The following UBE2L6 variants were observed in gnomAD, a reference collection of about 807,000 sequenced individuals.
UBE2L6 encodes ubiquitin/ISG15-conjugating enzyme E2 L6.
In UBE2L6, 11 loss-of-function variants were observed where a neutral mutation model predicts 13.6. The observed-to-expected ratio is 0.81, with a 90% CI of 0.51 to 1.34. UBE2L6 has a LOEUF of 1.34. Among genes scored for constraint, UBE2L6 ranks in the 40% most tolerant of loss-of-function variants. The probability of loss-of-function intolerance (pLI) is 0.00; values close to 1 mark genes in which losing one functional copy is unlikely to be tolerated. For missense variants in UBE2L6, 197 were observed against 199.5 expected, an observed-to-expected ratio of 0.99 and a Z score of 0.07; for synonymous variants, 74 against 83.2, an observed-to-expected ratio of 0.89 and a Z score of 0.60.
At position 57,560,336 on chromosome 11, in the gene UBE2L6, C is replaced by G. The variant is rs772329297; in HGVS notation, c.123+1G>C. On this transcript the variant is annotated splice_donor_variant, in intron 2 of 3. Transcript: ENST00000287156. LOFTEE classifies it high-confidence loss of function. ...AAGCCATGGTCCCCATGGATACTCACGGGTAGGAGGAGAGCGTGCCACACC... is the reference window on the plus strand; with the variant it reads ...AAGCCATGGTCCCCATGGATACTCAGGGGTAGGAGGAGAGCGTGCCACACC... 77 of 1,613,088 alleles carry G rather than the reference C, an allele frequency of 4.8e-5. No individual in the cohort carries two copies. Among genetic ancestry groups the G allele is most frequent in the Non-Finnish European group, 6.3e-5 (74 of 1,179,210 alleles).
chr11:57,555,413 T>C (rs903478568), intron 2 of UBE2L6, among the ~76,000 whole-genome samples: 1 of 152,218 alleles, frequency 6.6e-6, no homozygotes, highest in Admixed American at 6.5e-5. Context: ...ATACCACTTA[T>C]GTGCAGTACC....
At chr11:57,560,275 C>G (rs1184781859) in intron 2 of UBE2L6, 62 bp downstream of exon 2, 1 of 1,382,100 alleles carries the variant, frequency 7.2e-7, no homozygotes, top group African/African-American at 1.4e-5. Context: ...CTAACCCTCC[C>G]TGCCCATGTC....
At chr11:57,565,787 C>T (rs1945086468) in intron 1 of UBE2L6, among the ~76,000 whole-genome samples, 1 of 152,100 alleles carries the variant, frequency 6.6e-6, no homozygotes, top group Non-Finnish European at 1.5e-5. Context: ...TAAAAACATA[C>T]AATGGATACA....
chr11:57,555,664 A>G (rs1451625221), intron 2 of UBE2L6, among the ~76,000 whole-genome samples: 1 of 152,070 alleles, frequency 6.6e-6, no homozygotes, highest in Non-Finnish European at 1.5e-5. Context: ...GTAATCTCAA[A>G]CTTCTGGGCT....
At chr11:57,567,112 C>T (rs1945099001) in intron 1 of UBE2L6, 1 of 457,700 alleles carries the variant, frequency 2.2e-6, no homozygotes, top group Non-Finnish European at 4.4e-6. Flanking sequence ...ATCAGCATTC[C>T]GTGTTTCTCA....
chr11:57,552,524 G>A lies in UBE2L6; in HGVS notation c.311-15C>T, dbSNP rs1358538442. 2 of 1,613,998 alleles carry A rather than the reference G, an allele frequency of 1.2e-6. No individual in the cohort carries two copies. The highest frequency in any genetic ancestry group is 1.7e-5 in the Admixed American group (1 of 60,014). ...GGCCTCCAGGACTGGGGAGAGACAGGCCAGATCAGGATATCAGGGCAGAGG... is the reference window on the plus strand; with the variant it reads ...GGCCTCCAGGACTGGGGAGAGACAGACCAGATCAGGATATCAGGGCAGAGG... On this transcript the variant is annotated splice_polypyrimidine_tract_variant and intron_variant, in intron 3 of 3. Transcript: ENST00000287156.
chr11:57,560,518 A>C, intron 1 of UBE2L6, 86 bp from the exon 2 acceptor site: 2 of 1,024,486 alleles, frequency 2.0e-6, no homozygotes, highest in South Asian at 2.6e-5. Flanking sequence ...AGCTGCCCCA[A>C]GTTCAAAACT....
chr11:57,564,128 C>G (rs1359146335), intron 1 of UBE2L6, among the ~76,000 whole-genome samples: 2 of 152,092 alleles, frequency 1.3e-5, no homozygotes, highest in African/African-American at 4.8e-5. Flanking sequence ...AGACTTAACC[C>G]AAAGAAGACT....
At chr11:57,565,963 C>A (rs556881711) in intron 1 of UBE2L6, among the ~76,000 whole-genome samples, 11 of 150,786 alleles carry the variant, frequency 7.3e-5, no homozygotes, top group East Asian at 2.0e-4. Flanking sequence ...CCCATGCCCC[C>A]CTCCTATCCC....
intron 1 of UBE2L6, chr11:57,567,357 C>T (rs1032733619): frequency 1.3e-5 from 8 of 632,500 alleles, no homozygotes; most frequent in African/African-American, 3.7e-5. Context: ...ATCTTCACCA[C>T]GCGAACGGCT....
chr11:57,553,328 T>C (rs1944973324), intron 3 of UBE2L6, among the ~76,000 whole-genome samples: 1 of 151,890 alleles, frequency 6.6e-6, no homozygotes, highest in African/African-American at 2.4e-5. Flanking sequence ...ACCTGGTATC[T>C]ACAAAGCATG....
chr11:57,566,947 G>GCCCCCCCCC, intron 1 of UBE2L6: 2 of 101,672 alleles, frequency 2.0e-5, no homozygotes, highest in Non-Finnish European at 3.9e-5. Context: ...ATCTCTGCCC[G>GCCCCCCCCC]CCCCCCCCCC....
chr11:57,567,179 C>T lies in UBE2L6; in HGVS notation c.27+406G>A, dbSNP rs1241716823. On this transcript the variant is annotated intron_variant, in intron 1 of 3. Coordinates refer to ENST00000287156, the MANE Select transcript of UBE2L6 (RefSeq NM_004223.5). ...GATGGGCTATGGGCTTATTCCAAGGCAAGGACTTCATCCTGGTCATCTGTG... is the reference window on the plus strand; with the variant it reads ...GATGGGCTATGGGCTTATTCCAAGGTAAGGACTTCATCCTGGTCATCTGTG... 10 of 461,416 alleles carry T rather than the reference C, an allele frequency of 2.2e-5. No homozygotes were observed. The East Asian group carries it at 6.3e-4, about 29-fold the overall frequency. The allele number at this position is 461,416 out of a possible 1,614,324, so 28.6% of individuals were successfully genotyped here.
intron 1 of UBE2L6, among the ~76,000 whole-genome samples, chr11:57,566,126 G>A (rs955693360): frequency 6.6e-6 from 1 of 152,174 alleles, no homozygotes; most frequent in Non-Finnish European, 1.5e-5. Context: ...CAAGAACAAA[G>A]CCCAGGGCTG....
At chr11:57,565,824 G>C (rs1173421743) in intron 1 of UBE2L6, among the ~76,000 whole-genome samples, 1 of 152,148 alleles carries the variant, frequency 6.6e-6, no homozygotes, top group African/African-American at 2.4e-5. Flanking sequence ...CAAAATGTCA[G>C]TAGTGATGAG....
intron 2 of UBE2L6, among the ~76,000 whole-genome samples, chr11:57,554,991 C>T (rs1021097830): frequency 6.6e-6 from 1 of 152,156 alleles, no homozygotes; most frequent in East Asian, 1.9e-4. Flanking sequence ...ATGGAACATC[C>T]TTTCTTAAAA....
rs1590812417 is a variant in UBE2L6, at chr11:57,566,901, T to C, written c.27+684A>G. ...ATCTTATTTCAAATTGTGTCCCTGA[T>C]AGGAACAAAATTCAACAAGGGCCGG... On this transcript the variant is annotated intron_variant, in intron 1 of 3. Coordinates refer to ENST00000287156, the MANE Select transcript of UBE2L6 (RefSeq NM_004223.5). 3 of 432,900 alleles carry C rather than the reference T, an allele frequency of 6.9e-6. No homozygotes were observed. The East Asian group carries it at 2.1e-4, about 31-fold the overall frequency. The allele number at this position is 432,900 out of a possible 1,614,324, so 26.8% of individuals were successfully genotyped here. A position where few individuals can be genotyped will look rare whatever the true frequency, so the allele number is the denominator to read the frequency against.
intron 3 of UBE2L6, among the ~76,000 whole-genome samples, chr11:57,554,010 G>A (rs74563249): frequency 0.095 from 14,450 of 152,102 alleles, 772 homozygotes; most frequent in Middle Eastern, 0.23. Context: ...AAATGAAGTC[G>A]GCAGGTGATG....
At chr11:57,567,509 C>CGGAGGGGATGGAGGGA in intron 1 of UBE2L6, 76 bp downstream of exon 1, 7 of 1,570,906 alleles carry the variant, frequency 4.5e-6, no homozygotes, top group Non-Finnish European at 6.1e-6. Flanking sequence ...CGGAGAGCCG[C>CGGAGGGGATGGAGGGA]GGAGGGGATG....
Sources: allele counts gnomAD v4.1 joint callset (sites outside exome capture counted in the v4.1 genomes callset), GRCh38; gene constraint gnomAD v4.1.1; transcripts MANE v1.5; gene names NCBI Gene and HGNC (gene_info 2026-07-23, HGNC 2026-07-21).